PHF2: variants seen among roughly 807,000 people sequenced by gnomAD.
The protein encoded by PHF2 is PHD finger protein 2.
In PHF2, 27 loss-of-function variants were observed where a neutral mutation model predicts 120.5. The observed-to-expected ratio is 0.22, with a 90% CI of 0.17 to 0.31. The LOEUF (loss-of-function observed/expected upper bound fraction) is 0.31. PHF2 is among the 10% of genes least tolerant of loss of function. The pLI is 1.00. For missense variants in PHF2, 1,024 were observed against 1,434.8 expected (o/e 0.71, Z 4.63); for synonymous variants, 568 against 592.5 (o/e 0.96, Z 0.60).
At chr9:93,596,209 T>G (rs752092459) in intron 1 of PHF2, among the ~76,000 whole-genome samples, 1 of 152,064 alleles carries the variant, frequency 6.6e-6, no homozygotes, top group Non-Finnish European at 1.5e-5. Flanking sequence ...AGGAGGAGGT[T>G]TCCCTGTTTC....
At chr9:93,608,585 T>G (rs1202265458) in intron 1 of PHF2, among the ~76,000 whole-genome samples, 1 of 152,134 alleles carries the variant, frequency 6.6e-6, no homozygotes, top group African/African-American at 2.4e-5. Context: ...GTGCTTTATA[T>G]TTTGGAAGGT....
At chr9:93,636,383 C>T (rs1826090528) in intron 2 of PHF2, 28 bp from the exon 3 acceptor site, 1 of 1,561,050 alleles carries the variant, frequency 6.4e-7, no homozygotes, top group Non-Finnish European at 8.7e-7. Context: ...CGCTGTGTGA[C>T]CGACCTTGCT....
intron 1 of PHF2, among the ~76,000 whole-genome samples, chr9:93,614,846 T>C (rs560592988): frequency 1.4e-5 from 1 of 73,188 alleles, no homozygotes; most frequent in South Asian, 1.3e-3. Flanking sequence ...GTGATGGTGA[T>C]AGTAATGATG....
intron 3 of PHF2, among the ~76,000 whole-genome samples, chr9:93,643,520 G>A (rs1826202357): frequency 6.6e-6 from 1 of 152,158 alleles, no homozygotes; most frequent in African/African-American, 2.4e-5. Flanking sequence ...AAAGCCAGTG[G>A]ACATTCTTCA....
intron 2 of PHF2, 40 bp downstream of exon 2, chr9:93,630,095 G>T: frequency 6.3e-7 from 1 of 1,589,198 alleles, no homozygotes; most frequent in South Asian, 1.1e-5. Context: ...TTGCGGAAGA[G>T]AGCAGCATCC....
At chr9:93,632,916 G>A (rs1826024229) in intron 2 of PHF2, among the ~76,000 whole-genome samples, 1 of 142,178 alleles carries the variant, frequency 7.0e-6, no homozygotes, top group South Asian at 2.1e-4. Context: ...CAGATTTGAA[G>A]TGAGTGTACA....
In PHF2 at chr9:93,677,002, C is replaced by A. The variant is rs1171745540; in HGVS notation, c.3202+39C>A. On this transcript the variant is annotated intron_variant, in intron 21 of 21. Coordinates refer to ENST00000359246, the MANE Select transcript of PHF2 (RefSeq NM_005392.4). This position sits in a 1 kb window ranked among gnomAD's most constrained non-coding sequence, Gnocchi z 4.4. ...TGGAGGGAGCCTGCAGCCCCCCTGC[C>A]CTGCCTGCCCCCATGGGCAGCCCCA... 2.7e-6 allele frequency: 4 copies of A among 1,477,126 alleles called. No individual in the cohort carries two copies. Among genetic ancestry groups the A allele is most frequent in the Admixed American group, 2.4e-5 (1 of 41,422 alleles). The allele number at this position is 1,477,126 out of a possible 1,614,324, so 91.5% of individuals were successfully genotyped here. A position where few individuals can be genotyped will look rare whatever the true frequency, so the allele number is the denominator to read the frequency against.
intron 1 of PHF2, among the ~76,000 whole-genome samples, chr9:93,588,625 C>T (rs1863107759): frequency 6.6e-6 from 1 of 152,200 alleles, no homozygotes; most frequent in African/African-American, 2.4e-5. Context: ...GGCACGGTGG[C>T]TCACACCTGT....
chr9:93,667,361 C>T, intron 17 of PHF2, 121 bp downstream of exon 17: 1 of 1,223,864 alleles, frequency 8.2e-7, no homozygotes, highest in Non-Finnish European at 1.1e-6. Flanking sequence ...GCTGAGCCGC[C>T]CCTGGGCCTG....
chr9:93,585,198 G>A (rs1004015903), intron 1 of PHF2, among the ~76,000 whole-genome samples: 4 of 152,214 alleles, frequency 2.6e-5, no homozygotes, highest in Admixed American at 6.5e-5. Flanking sequence ...TTGCGAAGGA[G>A]GGTCTTCTTT....
At chr9:93,636,879 A>G (rs1044187707) in intron 3 of PHF2, among the ~76,000 whole-genome samples, 6 of 152,344 alleles carry the variant, frequency 3.9e-5, no homozygotes, top group Non-Finnish European at 8.8e-5. Context: ...GCCCACAAGC[A>G]TGCTCCCATG....
In PHF2 at chr9:93,673,866, A is replaced by G. The variant is rs1826856121; in HGVS notation, c.2626+4A>G. 6.3e-7 allele frequency: 1 copy of G among 1,584,200 alleles called. No individual in the cohort carries two copies. The highest frequency in any genetic ancestry group is 1.3e-5 in the African/African-American group (1 of 74,686). On this transcript the variant is annotated splice_donor_region_variant and intron_variant, in intron 18 of 21. Coordinates refer to ENST00000359246, the MANE Select transcript of PHF2 (RefSeq NM_005392.4). ...TGCTTCAAGGACTCAGACTACGGTG[A>G]GTGTCACTCCTGCGTGGGGCAGGGC...
chr9:93,632,921 T>C (rs1826024273), intron 2 of PHF2, among the ~76,000 whole-genome samples: 1 of 132,074 alleles, frequency 7.6e-6, no homozygotes, highest in Admixed American at 7.5e-5. Flanking sequence ...TTGAAGTGAG[T>C]GTACACTGTG....
intron 6 of PHF2, among the ~76,000 whole-genome samples, chr9:93,653,771 G>T (rs1001301107): frequency 6.6e-6 from 1 of 152,220 alleles, no homozygotes; most frequent in African/African-American, 2.4e-5. Context: ...CATCATCGAG[G>T]CTGAGAGAGG....
chr9:93,666,366 G>A (rs1587717674), intron 16 of PHF2, among the ~76,000 whole-genome samples: 1 of 152,158 alleles, frequency 6.6e-6, no homozygotes, highest in African/African-American at 2.4e-5. Flanking sequence ...GGGGCTGCAG[G>A]CCCTGCCCCC....
chr9:93,592,185 C>A (rs932584569), intron 1 of PHF2, among the ~76,000 whole-genome samples: 1 of 152,164 alleles, frequency 6.6e-6, no homozygotes, highest in African/African-American at 2.4e-5. Flanking sequence ...TCACTGGGGC[C>A]ACACTTCTGT....
At chr9:93,640,712 G>T (rs1296606652) in intron 3 of PHF2, among the ~76,000 whole-genome samples, 1 of 152,130 alleles carries the variant, frequency 6.6e-6, no homozygotes, top group Non-Finnish European at 1.5e-5. Flanking sequence ...GTCTTCTTCG[G>T]ATGCTTGCTT....
chr9:93,589,728 G>A (rs1490998162), intron 1 of PHF2, among the ~76,000 whole-genome samples: 1 of 152,174 alleles, frequency 6.6e-6, no homozygotes, highest in African/African-American at 2.4e-5. Flanking sequence ...TAAAAAGAGT[G>A]AGAATTCGAA....
At chr9:93,654,274 G>A in intron 6 of PHF2, 139 bp from the exon 7 acceptor site, 1 of 696,692 alleles carries the variant, frequency 1.4e-6, no homozygotes. Flanking sequence ...TTTCTGAATT[G>A]CAAAGCACCT....
Sources: gnomAD v4.1 joint callset for allele counts (sites outside exome capture counted in the v4.1 genomes callset) on GRCh38, gnomAD v4.1.1 for gene constraint, Gnocchi (gnomAD v3.1) non-coding constraint, MANE v1.5 for transcripts, NCBI Gene and HGNC (gene_info 2026-07-23, HGNC 2026-07-21) for gene names.